The following PTCHD4 variants were observed in gnomAD, a reference collection of about 807,000 sequenced individuals.
PTCHD4 encodes patched domain containing 4.
In PTCHD4, 33 loss-of-function variants were observed where a neutral mutation model predicts 58.1. That is an observed-to-expected ratio of 0.57 (90% CI 0.43 to 0.76). The LOEUF (loss-of-function observed/expected upper bound fraction) is 0.76, where lower values mean the gene tolerates loss of function less well. Among genes scored for constraint, PTCHD4 ranks in the 30% least tolerant of loss-of-function variants. The pLI, the probability that PTCHD4 is intolerant of heterozygous loss-of-function variation, is 0.00. For synonymous variants in PTCHD4, 478 were observed against 409.6 expected (o/e 1.17, Z -2.02); for missense variants, 1,058 against 1,027.1 (o/e 1.03, Z -0.41).
At chr6:47,937,549 G>C (rs1766047537) in intron 4 of PTCHD4, among the ~76,000 whole-genome samples, 1 of 152,142 alleles carries the variant, frequency 6.6e-6, no homozygotes, top group African/African-American at 2.4e-5. Flanking sequence ...AGACATTCTA[G>C]GTTTGAGATG....
At chr6:48,110,606 G>T (rs1765850105) in intron 1 of PTCHD4, among the ~76,000 whole-genome samples, 1 of 150,054 alleles carries the variant, frequency 6.7e-6, no homozygotes, top group Non-Finnish European at 1.5e-5. Context: ...CTGAAAATTT[G>T]CTGAGTAGAG....
chr6:47,911,181 A>T (rs1466801969), intron 4 of PTCHD4, among the ~76,000 whole-genome samples: 1 of 152,128 alleles, frequency 6.6e-6, no homozygotes, highest in African/African-American at 2.4e-5. Context: ...GGGAAGCACT[A>T]ACAGGAGACT....
At chr6:47,884,040 T>A (rs947804610) in intron 4 of PTCHD4, among the ~76,000 whole-genome samples, 5 of 145,746 alleles carry the variant, frequency 3.4e-5, no homozygotes, top group South Asian at 2.3e-4. Context: ...GTTAACAACT[T>A]CAAGAATTTA....
intron 4 of PTCHD4, among the ~76,000 whole-genome samples, chr6:48,000,307 A>T (rs1768671947): frequency 6.6e-6 from 1 of 152,150 alleles, no homozygotes; most frequent in South Asian, 2.1e-4. Context: ...AATTTTCATG[A>T]TCTGTCATTA....
chr6:47,873,988 A>T lies in PTCHD4; in HGVS notation c.*4315T>A, dbSNP rs1295304742. Among the ~76,000 whole-genome samples the T allele has an allele frequency of 2.0e-5, 3 of 151,764 alleles. No homozygotes were observed. Among genetic ancestry groups the T allele is most frequent in the Non-Finnish European group, 4.4e-5 (3 of 67,798 alleles). On this transcript the variant is annotated 3_prime_UTR_variant, in exon 5 of 5. Transcript: ENST00000339488. ...CCAACAAACCAGACTGAACAGAAAG[A>T]TCCCTGTAGTAGGATGCCGAGCAAA...
At chr6:48,019,747 A>AT (rs901722757) in intron 3 of PTCHD4, among the ~76,000 whole-genome samples, 2 of 151,072 alleles carry the variant, frequency 1.3e-5, no homozygotes, top group East Asian at 1.9e-4. Flanking sequence ...AAAAAAAAAA[A>AT]AATAATAATA....
intron 1 of PTCHD4, among the ~76,000 whole-genome samples, chr6:48,108,522 C>G (rs540238003): frequency 2.2e-4 from 33 of 152,118 alleles, no homozygotes; most frequent in African/African-American, 7.7e-4. Flanking sequence ...TTAATGGGTG[C>G]AGCACACCAA....
intron 4 of PTCHD4, among the ~76,000 whole-genome samples, chr6:47,946,228 T>G (rs1766413412): frequency 6.6e-6 from 1 of 152,144 alleles, no homozygotes; most frequent in Admixed American, 6.6e-5. Context: ...TTCATTGTGT[T>G]GTTGAAATAT....
chr6:48,045,302 A>T (rs1333060520), intron 3 of PTCHD4, among the ~76,000 whole-genome samples: 4 of 151,932 alleles, frequency 2.6e-5, no homozygotes, highest in African/African-American at 7.2e-5. Flanking sequence ...CTATGGTTTG[A>T]TTCCATTCTC....
rs931256185 is a variant in PTCHD4, at chr6:47,867,211, C to T, written c.*11092G>A. ...TGTTCTGGAGAGTTTGGGTTCCCAGCAATCCATGTCAGTCTCTTACTCTCA... is the reference window on the plus strand; with the variant it reads ...TGTTCTGGAGAGTTTGGGTTCCCAGTAATCCATGTCAGTCTCTTACTCTCA... On this transcript the variant is annotated 3_prime_UTR_variant, in exon 5 of 5. Coordinates refer to ENST00000339488, the MANE Select transcript of PTCHD4 (RefSeq NM_001384253.1). Among the ~76,000 whole-genome samples the T allele has an allele frequency of 2.6e-5, 4 of 151,748 alleles. No homozygotes were observed. The highest frequency in any genetic ancestry group is 9.7e-5 in the African/African-American group (4 of 41,366).
chr6:47,948,220 G>T (rs1766495821), intron 4 of PTCHD4, among the ~76,000 whole-genome samples: 1 of 152,206 alleles, frequency 6.6e-6, no homozygotes, highest in South Asian at 2.1e-4. Flanking sequence ...GCCAGCCGGA[G>T]GTGCCCTCAG....
At chr6:48,053,055 G>C (rs539043560) in intron 3 of PTCHD4, among the ~76,000 whole-genome samples, 2 of 152,182 alleles carry the variant, frequency 1.3e-5, no homozygotes, top group Admixed American at 1.3e-4. Flanking sequence ...TTGATATTAT[G>C]TTAATACTGT....
chr6:48,105,899 G>C (rs1305901547), intron 1 of PTCHD4, among the ~76,000 whole-genome samples: 1 of 152,070 alleles, frequency 6.6e-6, no homozygotes, highest in Non-Finnish European at 1.5e-5. Flanking sequence ...GACTAAACCA[G>C]GAAGAAGTTG....
At chr6:47,898,993 C>A (rs555370321) in intron 4 of PTCHD4, among the ~76,000 whole-genome samples, 1 of 152,148 alleles carries the variant, frequency 6.6e-6, no homozygotes, top group Non-Finnish European at 1.5e-5. Flanking sequence ...AAATGGAAGG[C>A]TTTCCTCTTA....
At chr6:47,928,871 A>G (rs1230820557) in intron 4 of PTCHD4, among the ~76,000 whole-genome samples, 1 of 152,228 alleles carries the variant, frequency 6.6e-6, no homozygotes, top group Non-Finnish European at 1.5e-5. Flanking sequence ...TATGCAATGT[A>G]CTAATGTATA....
At chr6:47,991,731 A>G (rs1028275749) in intron 4 of PTCHD4, among the ~76,000 whole-genome samples, 2 of 152,042 alleles carry the variant, frequency 1.3e-5, no homozygotes, top group African/African-American at 4.8e-5. Context: ...ATTATATATA[A>G]AAGGAAAAGG....
At chr6:47,957,457 A>G (rs934568311) in intron 4 of PTCHD4, among the ~76,000 whole-genome samples, 1 of 150,974 alleles carries the variant, frequency 6.6e-6, no homozygotes, top group Non-Finnish European at 1.5e-5. Context: ...AGACCAATCG[A>G]CATATGGTGC....
chr6:47,871,443 A>G lies in PTCHD4; in HGVS notation c.*6860T>C, dbSNP rs1372873803. 1.3e-5 allele frequency among the ~76,000 whole-genome samples: 2 copies of G among 151,604 alleles called. No homozygotes were observed. Among genetic ancestry groups the G allele is most frequent in the Non-Finnish European group, 3.0e-5 (2 of 67,702 alleles). ...ATTATTTGTGCATCTTACTGGGTAGACTGCTGCCTCTAATCAAAGTCAGAT... is the reference window on the plus strand; with the variant it reads ...ATTATTTGTGCATCTTACTGGGTAGGCTGCTGCCTCTAATCAAAGTCAGAT... On this transcript the variant is annotated 3_prime_UTR_variant, in exon 5 of 5. Coordinates refer to ENST00000339488, the MANE Select transcript of PTCHD4 (RefSeq NM_001384253.1).
rs1447317994 is a variant in PTCHD4, at chr6:47,874,551, G to T, written c.*3752C>A. Among the ~76,000 whole-genome samples the T allele has an allele frequency of 1.3e-5, 2 of 151,746 alleles. No homozygotes were observed. The highest frequency in any genetic ancestry group is 2.9e-5 in the Non-Finnish European group (2 of 67,802). On this transcript the variant is annotated 3_prime_UTR_variant, in exon 5 of 5. Coordinates refer to ENST00000339488, the MANE Select transcript of PTCHD4 (RefSeq NM_001384253.1). The stretch of plus-strand genomic sequence containing the variant: ...TCTAACCACAAGCCTAGAAGGATTA[G>T]CTTATTACGGGGAAATGTGATAGAT...
Sources: allele counts gnomAD v4.1 joint callset (sites outside exome capture counted in the v4.1 genomes callset), GRCh38; gene constraint gnomAD v4.1.1; transcripts MANE v1.5; gene names NCBI Gene and HGNC (gene_info 2026-07-23, HGNC 2026-07-21).